Variants in AGBL1 observed in about 807,000 individuals in gnomAD.
AGBL1 encodes cytosolic carboxypeptidase 4.
A neutral mutation model predicts 118.9 loss-of-function variants in AGBL1; 130 were observed. The ratio of observed to expected loss-of-function variants is 1.09; its 90% CI spans 0.95 to 1.26. The LOEUF is 1.26. Ranked by LOEUF, AGBL1 falls within the 50% of genes most tolerant of loss-of-function variation. AGBL1 has a pLI of 0.00. For synonymous variants in AGBL1, 555 were observed against 478.9 expected, an observed-to-expected ratio of 1.16 and a Z score of -2.08; for missense variants, 1,584 against 1,298.1, an observed-to-expected ratio of 1.22 and a Z score of -3.38.
At chr15:86,379,996 A>G (rs1217628419) in intron 17 of AGBL1, among the ~76,000 whole-genome samples, 2 of 152,190 alleles carry the variant, frequency 1.3e-5, no homozygotes, top group Non-Finnish European at 2.9e-5. Flanking sequence ...TTTACATGCA[A>G]TCTGTAAGGC....
intron 6 of AGBL1, among the ~76,000 whole-genome samples, chr15:86,235,705 A>G (rs1567145227): frequency 6.6e-6 from 1 of 152,222 alleles, no homozygotes; most frequent in Non-Finnish European, 1.5e-5. Flanking sequence ...AATCTTCACC[A>G]TGGTCCTGTC....
chr15:86,081,048 GT>G (rs1229652994), intron 1 of AGBL1, among the ~76,000 whole-genome samples: 2 of 151,962 alleles, frequency 1.3e-5, no homozygotes, highest in African/African-American at 2.4e-5. Flanking sequence ...GATTGTTTTT[GT>G]TTTTATTTTG....
chr15:86,263,939 G>T (rs1342094045), intron 10 of AGBL1, among the ~76,000 whole-genome samples: 3 of 152,128 alleles, frequency 2.0e-5, no homozygotes, highest in African/African-American at 4.8e-5. Flanking sequence ...CAAGTGAAAG[G>T]CACTGCCTTG....
intron 21 of AGBL1, among the ~76,000 whole-genome samples, chr15:86,673,349 A>G (rs981741930): frequency 6.6e-6 from 1 of 152,328 alleles, no homozygotes; most frequent in African/African-American, 2.4e-5. Flanking sequence ...TTTAGAAACT[A>G]GTGAAACCAG....
At chr15:86,999,154 T>TTC (rs2081409134) in intron 24 of AGBL1, among the ~76,000 whole-genome samples, 1 of 150,880 alleles carries the variant, frequency 6.6e-6, no homozygotes, top group African/African-American at 2.4e-5. Context: ...GGTTTCAAGC[T>TTC]TCATCCACGT....
At chr15:86,959,747 T>G (rs1292018377) in intron 23 of AGBL1, among the ~76,000 whole-genome samples, 1 of 152,074 alleles carries the variant, frequency 6.6e-6, no homozygotes, top group Non-Finnish European at 1.5e-5. Flanking sequence ...CTGTGCTCAT[T>G]TGCTTCAATA....
intron 17 of AGBL1, among the ~76,000 whole-genome samples, chr15:86,377,207 A>G (rs554961833): frequency 6.6e-6 from 1 of 152,320 alleles, no homozygotes; most frequent in East Asian, 1.9e-4. Flanking sequence ...GCCCCAAGAG[A>G]TGGATTTTAA....
intron 6 of AGBL1, among the ~76,000 whole-genome samples, chr15:86,247,355 AG>A (rs964262135): frequency 6.6e-5 from 10 of 151,720 alleles, no homozygotes; most frequent in African/African-American, 2.4e-4. Context: ...GGTATTTTGT[AG>A]CATGTCCTTC....
intron 22 of AGBL1, among the ~76,000 whole-genome samples, chr15:86,720,167 G>A (rs574397883): frequency 1.6e-4 from 25 of 152,314 alleles, no homozygotes; most frequent in African/African-American, 5.8e-4. Flanking sequence ...AATCAATCCT[G>A]TGACATCTTC....
At chr15:86,518,819 T>C (rs2083152834) in intron 18 of AGBL1, among the ~76,000 whole-genome samples, 2 of 151,818 alleles carry the variant, frequency 1.3e-5, no homozygotes, top group South Asian at 4.2e-4. Context: ...TAGGCAAGGT[T>C]ATCACATCTC....
chr15:86,262,076 G>T (rs1474900462), intron 9 of AGBL1, among the ~76,000 whole-genome samples: 1 of 4,640 alleles, frequency 2.2e-4, no homozygotes. Context: ...ATGCATAGCT[G>T]GCTTTTTTTT....
intron 17 of AGBL1, among the ~76,000 whole-genome samples, chr15:86,311,841 T>C (rs2141825075): frequency 6.6e-6 from 1 of 152,334 alleles, no homozygotes; most frequent in African/African-American, 2.4e-5. Context: ...CTTGTTCCCT[T>C]GCAGCTGGTG....
intron 22 of AGBL1, among the ~76,000 whole-genome samples, chr15:86,699,153 C>A (rs1281632972): frequency 6.6e-6 from 1 of 151,680 alleles, no homozygotes; most frequent in Non-Finnish European, 1.5e-5. Flanking sequence ...TTCAACCTCA[C>A]AAAAATTTCA....
At chr15:86,104,452 C>T (rs1266990837) in intron 1 of AGBL1, among the ~76,000 whole-genome samples, 1 of 152,198 alleles carries the variant, frequency 6.6e-6, no homozygotes, top group Non-Finnish European at 1.5e-5. Flanking sequence ...TGTAAGTGCA[C>T]AGTGGCTCTG....
chr15:86,318,110 T>G (rs2080044212), intron 17 of AGBL1, among the ~76,000 whole-genome samples: 1 of 152,228 alleles, frequency 6.6e-6, no homozygotes, highest in Non-Finnish European at 1.5e-5. Context: ...ATCAAAAGTT[T>G]TATGTCCTAA....
chr15:86,886,141 C>CTGTGTA (rs1260312705), intron 22 of AGBL1, among the ~76,000 whole-genome samples: 1 of 152,158 alleles, frequency 6.6e-6, no homozygotes, highest in Non-Finnish European at 1.5e-5. Context: ...TGTAAACATC[C>CTGTGTA]TGTTCTCATA....
chr15:86,520,702 C>T (rs1298064651), intron 18 of AGBL1, among the ~76,000 whole-genome samples: 1 of 152,082 alleles, frequency 6.6e-6, no homozygotes, highest in African/African-American at 2.4e-5. Context: ...CTAATTTCGT[C>T]ACAGTCAGTG....
intron 7 of AGBL1, among the ~76,000 whole-genome samples, chr15:86,253,137 C>G (rs907035452): frequency 1.3e-5 from 2 of 152,102 alleles, no homozygotes; most frequent in Non-Finnish European, 2.9e-5. Flanking sequence ...CATGGCAGAG[C>G]ATTGTGAGTA....
intron 6 of AGBL1, among the ~76,000 whole-genome samples, chr15:86,236,073 T>C (rs372999425): frequency 6.6e-6 from 1 of 152,256 alleles, no homozygotes; most frequent in East Asian, 1.9e-4. Context: ...CTTTCACTAC[T>C]GCAGGTTTTA....
Sources: allele counts gnomAD v4.1 joint callset (sites outside exome capture counted in the v4.1 genomes callset), GRCh38; gene constraint gnomAD v4.1.1; transcripts MANE v1.5; gene names NCBI Gene and HGNC (gene_info 2026-07-23, HGNC 2026-07-21).